Variants in XIAP observed in about 807,000 individuals in gnomAD.
The protein encoded by XIAP is X-linked inhibitor of apoptosis.
A neutral mutation model predicts 33.1 loss-of-function variants in XIAP; 3 were observed. That is an observed-to-expected ratio of 0.09 (90% confidence interval 0.04 to 0.23). The LOEUF is 0.23. Ranked by LOEUF, XIAP falls within the 10% of genes least tolerant of loss-of-function variation. XIAP has a pLI of 1.00. For missense variants in XIAP, 264 were observed against 363.0 expected (o/e 0.73, Z 2.22); for synonymous variants, 98 against 121.3 (o/e 0.81, Z 1.26).
At chrX:123,883,972 T>C (rs1417105545) in intron 1 of XIAP, among the ~76,000 whole-genome samples, 1 of 111,966 alleles carries the variant, frequency 8.9e-6, no homozygotes, top group Non-Finnish European at 1.9e-5. Context: ...GAAATGATAA[T>C]TCATCAAAAG....
chrX:123,888,058 G>T (rs747987765), intron 2 of XIAP, among the ~76,000 whole-genome samples: 1 of 110,693 alleles, frequency 9.0e-6, no homozygotes, highest in Non-Finnish European at 1.9e-5. Context: ...AGTATGCCAG[G>T]TACAGTGGCT....
Position 123,892,852 on chromosome X carries a change from A to T in XIAP, c.1099+79A>T, listed in dbSNP as rs1255831295. ...TTTATTTATTTAGAGACAGAGTCTC[A>T]CTCTGTTGCCCAGGCTGGAGTGCAG... On this transcript the variant is annotated intron_variant, in intron 5 of 6. Coordinates refer to ENST00000371199, the MANE Select transcript of XIAP (RefSeq NM_001167.4). The T allele has an allele frequency of 4.2e-6, 4 of 959,728 alleles. No individual in the cohort carries two copies. In the African/African-American group the frequency reaches 5.9e-5, roughly 14 times the overall value. 79.1% of individuals were successfully genotyped at this position (959,728 alleles called of 1,213,427 possible).
At position 123,911,301 on chromosome X, in the gene XIAP, A is replaced by T. The variant is rs1409504109; in HGVS notation, c.*4120A>T. 3.4e-6 allele frequency: 1 copy of T among 296,642 alleles called. No homozygotes were observed. The highest frequency in any genetic ancestry group is 6.3e-6 in the Non-Finnish European group (1 of 158,159). 24.4% of individuals were successfully genotyped at this position (296,642 alleles called of 1,213,427 possible). A position where few individuals can be genotyped will look rare whatever the true frequency, so the allele number is the denominator to read the frequency against. On this transcript the variant is annotated 3_prime_UTR_variant, in exon 7 of 7. Coordinates refer to ENST00000371199, the MANE Select transcript of XIAP (RefSeq NM_001167.4). ...GAGACCAGCCTGACCAACATGGAGA[A>T]ACCCCGTCTCTACTAAAAATACAAA...
intron 1 of XIAP, 62 bp downstream of exon 1, chrX:123,860,355 C>G: frequency 6.2e-6 from 2 of 323,294 alleles, no homozygotes; most frequent in South Asian, 5.3e-5. Context: ...TCTCCTCCCT[C>G]CCCTCTTCTT....
chrX:123,865,298 A>T (rs922474334), intron 1 of XIAP, among the ~76,000 whole-genome samples: 1 of 111,293 alleles, frequency 9.0e-6, no homozygotes, highest in African/African-American at 3.3e-5. Flanking sequence ...AAAGAGCCCT[A>T]CGTTGGGTAC....
At chrX:123,870,631 A>T (rs2053185173) in intron 1 of XIAP, among the ~76,000 whole-genome samples, 1 of 111,204 alleles carries the variant, frequency 9.0e-6, no homozygotes, top group South Asian at 3.7e-4. Flanking sequence ...ACAAAAAAAA[A>T]TTTAAAAATT....
At chrX:123,889,449 G>T (rs909418579) in intron 3 of XIAP, among the ~76,000 whole-genome samples, 50 of 109,194 alleles carry the variant, frequency 4.6e-4, no homozygotes, top group African/African-American at 1.6e-3. Flanking sequence ...CAGGTGATCG[G>T]CCCGCCTCGG....
chrX:123,886,127 G>A lies in XIAP; in HGVS notation c.465G>A (p.Pro155=), dbSNP rs751634597. ...TAGATATATCAGACACCATATACCC[G>A]AGGAACCCTGCCATGTATAGTGAAG... ...QVVDISDTIY[P]RNPAMYSEEA... is the part of the protein sequence containing the mutation. The change falls in exon 2 of 7, where the codon CCG becomes CCA. Residue 155 remains proline, a synonymous_variant. Transcript: ENST00000371199. The A allele has an allele frequency of 1.4e-5, 17 of 1,211,557 alleles. No individual in the cohort carries two copies. Among genetic ancestry groups the A allele is most frequent in the Non-Finnish European group, 1.9e-5 (17 of 895,533 alleles).
Position 123,908,009 on chromosome X carries a change from C to G in XIAP, c.*828C>G. 1 of 372,108 alleles carries G rather than the reference C, an allele frequency of 2.7e-6. No homozygotes were observed. 30.7% of individuals were successfully genotyped at this position (372,108 alleles called of 1,213,427 possible). The stretch of plus-strand genomic sequence containing the variant: ...GAGGGGTTTTATAGGGGCCTTTTCA[C>G]TTTCTACTTTTTTCATTTTGTTCTG... On this transcript the variant is annotated 3_prime_UTR_variant, in exon 7 of 7. Coordinates refer to ENST00000371199, the MANE Select transcript of XIAP (RefSeq NM_001167.4).
chrX:123,883,113 C>T (rs772407747), intron 1 of XIAP, among the ~76,000 whole-genome samples: 1 of 109,305 alleles, frequency 9.1e-6, no homozygotes, highest in Non-Finnish European at 1.9e-5. Flanking sequence ...GATGGAGCCT[C>T]GCTCTGTCGC....
intron 1 of XIAP, among the ~76,000 whole-genome samples, chrX:123,867,695 C>T (rs1272787852): frequency 7.0e-4 from 39 of 55,980 alleles, no homozygotes; most frequent in Non-Finnish European, 1.1e-3. Flanking sequence ...TTTTTTGAGA[C>T]GGAGTTTTGC....
chrX:123,890,991 T>C (rs1178958272), intron 3 of XIAP, among the ~76,000 whole-genome samples: 1 of 111,403 alleles, frequency 9.0e-6, no homozygotes, highest in Admixed American at 9.6e-5. Flanking sequence ...ATAACTTGTT[T>C]TAGAAAGTTC....
chrX:123,902,501 G>C (rs1335430388), intron 6 of XIAP, among the ~76,000 whole-genome samples: 1 of 111,713 alleles, frequency 9.0e-6, no homozygotes, highest in East Asian at 2.8e-4. Context: ...AAGCAGGTGA[G>C]GGTTATTAGA....
At chrX:123,862,218 G>A (rs1011204517) in intron 1 of XIAP, among the ~76,000 whole-genome samples, 1 of 107,774 alleles carries the variant, frequency 9.3e-6, no homozygotes, top group Non-Finnish European at 1.9e-5. Flanking sequence ...ACAGGCATGC[G>A]CCACCACGCC....
At chrX:123,903,742 T>C (rs772970168) in intron 6 of XIAP, among the ~76,000 whole-genome samples, 6 of 107,957 alleles carry the variant, frequency 5.6e-5, no homozygotes, top group Non-Finnish European at 9.5e-5. Flanking sequence ...TACATTTACA[T>C]TGTTGCACAG....
intron 5 of XIAP, among the ~76,000 whole-genome samples, chrX:123,895,152 C>A (rs772545640): frequency 7.8e-4 from 87 of 111,212 alleles, no homozygotes; most frequent in Middle Eastern, 9.3e-3. Context: ...CCACCCTACC[C>A]CTAGGCCAGG....
chrX:123,893,110 G>A (rs1382332073), intron 5 of XIAP, among the ~76,000 whole-genome samples: 1 of 109,431 alleles, frequency 9.1e-6, no homozygotes, highest in Non-Finnish European at 1.9e-5. Context: ...ATGAGCCACC[G>A]CACCCGGCCT....
At chrX:123,897,311 C>G (rs1288617938) in intron 5 of XIAP, among the ~76,000 whole-genome samples, 1 of 111,754 alleles carries the variant, frequency 8.9e-6, no homozygotes, top group Non-Finnish European at 1.9e-5. Flanking sequence ...TTTAAGAAAC[C>G]ATTGCCTAAT....
rs2053622441 is a variant in XIAP, at chrX:123,913,209, C to T, written c.*6028C>T. On this transcript the variant is annotated 3_prime_UTR_variant, in exon 7 of 7. Coordinates refer to ENST00000371199, the MANE Select transcript of XIAP (RefSeq NM_001167.4). ...AAATGGCGCCGGGCACGGTGGCTCA[C>T]GCCTGTAATCCCAGCAGTTTCCGAG... 3 of 327,107 alleles carry T rather than the reference C, an allele frequency of 9.2e-6. No homozygotes were observed. Among genetic ancestry groups the T allele is most frequent in the African/African-American group, 2.7e-5 (1 of 37,509 alleles). The allele number at this position is 327,107 out of a possible 1,213,427, so 27.0% of individuals were successfully genotyped here.
Sources: gnomAD v4.1 joint callset for allele counts (sites outside exome capture counted in the v4.1 genomes callset) on GRCh38, gnomAD v4.1.1 for gene constraint, MANE v1.5 for transcripts, NCBI Gene and HGNC (gene_info 2026-07-23, HGNC 2026-07-21) for gene names.